GABRA3: variants seen among roughly 807,000 people sequenced by gnomAD.
GABRA3 encodes gamma-aminobutyric acid type A receptor subunit alpha3.
A neutral mutation model predicts 30.1 loss-of-function variants in GABRA3; 10 were observed. The observed-to-expected ratio is 0.33, with a 90% CI of 0.20 to 0.56. The LOEUF (loss-of-function observed/expected upper bound fraction) is 0.56. Among genes scored for constraint, GABRA3 ranks in the 20% least tolerant of loss-of-function variants. GABRA3 has a pLI of 0.89. For synonymous variants in GABRA3, 151 were observed against 146.8 expected (o/e 1.03, Z -0.21); for missense variants, 233 against 392.0 (o/e 0.59, Z 3.42).
chrX:152,227,704 A>G (rs372078188), intron 5 of GABRA3, among the ~76,000 whole-genome samples: 285 of 108,564 alleles, frequency 2.6e-3, no homozygotes, highest in African/African-American at 8.9e-3. Context: ...TAAGGATTCT[A>G]TTTACCTAAT....
intron 3 of GABRA3, among the ~76,000 whole-genome samples, chrX:152,306,351 T>C (rs1328700109): frequency 1.8e-5 from 2 of 112,353 alleles, no homozygotes; most frequent in Non-Finnish European, 3.8e-5. Flanking sequence ...TTACCAGAAA[T>C]GTCTACACAT....
intron 3 of GABRA3, among the ~76,000 whole-genome samples, chrX:152,288,516 A>G (rs1939337711): frequency 8.9e-6 from 1 of 112,431 alleles, no homozygotes; most frequent in Admixed American, 9.4e-5. Flanking sequence ...GCTGCTGCTT[A>G]ATACTATTTC....
chrX:152,362,466 T>C (rs1163495976), intron 2 of GABRA3, among the ~76,000 whole-genome samples: 3 of 111,373 alleles, frequency 2.7e-5, no homozygotes, highest in Non-Finnish European at 5.7e-5. Flanking sequence ...TGGGTCCTAA[T>C]GGGTTTTATA....
chrX:152,337,319 A>G (rs1940248569), intron 3 of GABRA3, among the ~76,000 whole-genome samples: 1 of 111,115 alleles, frequency 9.0e-6, no homozygotes, highest in African/African-American at 3.3e-5. Flanking sequence ...TTACTATCTA[A>G]TTGTATATTT....
chrX:152,417,590 G>A (rs1309509479), intron 1 of GABRA3, among the ~76,000 whole-genome samples: 1 of 88,450 alleles, frequency 1.1e-5, no homozygotes, highest in East Asian at 3.8e-4. Flanking sequence ...GTTTATTGCG[G>A]CATTATTCAC....
chrX:152,439,066 G>A (rs745389794), intron 1 of GABRA3, among the ~76,000 whole-genome samples: 2 of 110,523 alleles, frequency 1.8e-5, no homozygotes, highest in East Asian at 5.7e-4. Flanking sequence ...GGTGGGGGAT[G>A]GGGTAACTCC....
At chrX:152,400,412 G>A (rs1929765412) in intron 1 of GABRA3, among the ~76,000 whole-genome samples, 1 of 111,199 alleles carries the variant, frequency 9.0e-6, no homozygotes, top group Non-Finnish European at 1.9e-5. Context: ...GGAAGGCTGA[G>A]GCGGGAGGAT....
chrX:152,352,172 A>G (rs1227167483), intron 2 of GABRA3, among the ~76,000 whole-genome samples: 1 of 111,281 alleles, frequency 9.0e-6, no homozygotes, highest in Non-Finnish European at 1.9e-5. Flanking sequence ...AGACTCACTC[A>G]ACACAGGGTT....
chrX:152,224,234 T>C (rs1744740863), intron 6 of GABRA3, among the ~76,000 whole-genome samples: 2 of 112,275 alleles, frequency 1.8e-5, no homozygotes, highest in Admixed American at 1.9e-4. Flanking sequence ...GAAAATGGAC[T>C]ATATATTTAC....
intron 8 of GABRA3, among the ~76,000 whole-genome samples, chrX:152,196,435 G>A (rs183422839): frequency 1.7e-3 from 186 of 106,888 alleles, no homozygotes; most frequent in African/African-American, 5.9e-3. Flanking sequence ...AGAAAGAAAG[G>A]AAGGAAGGAA....
At chrX:152,204,262 G>A (rs1280433244) in intron 7 of GABRA3, among the ~76,000 whole-genome samples, 4 of 111,604 alleles carry the variant, frequency 3.6e-5, no homozygotes, top group Non-Finnish European at 7.5e-5. Context: ...TAAAACATAA[G>A]TGGTTAAAAT....
At chrX:152,396,855 A>ATGCT (rs1322515203) in intron 1 of GABRA3, among the ~76,000 whole-genome samples, 2 of 112,063 alleles carry the variant, frequency 1.8e-5, no homozygotes, top group African/African-American at 6.5e-5. Context: ...TATAACTAAC[A>ATGCT]TGCTTGAAAA....
chrX:152,224,536 A>T (rs1483957060), intron 6 of GABRA3, among the ~76,000 whole-genome samples: 1 of 111,925 alleles, frequency 8.9e-6, no homozygotes, highest in African/African-American at 3.2e-5. Flanking sequence ...AGTCTGAAAT[A>T]GCAAAATAAA....
chrX:152,237,236 C>T (rs1569365340), intron 5 of GABRA3, among the ~76,000 whole-genome samples: 1 of 110,887 alleles, frequency 9.0e-6, no homozygotes, highest in Non-Finnish European at 1.9e-5. Context: ...TTCCCAGCAC[C>T]ATTTATTAAA....
intron 3 of GABRA3, among the ~76,000 whole-genome samples, chrX:152,338,327 T>C (rs1235713560): frequency 8.9e-6 from 1 of 112,409 alleles, no homozygotes; most frequent in Non-Finnish European, 1.9e-5. Flanking sequence ...CATTTGTATG[T>C]CTTCTTCTGA....
At chrX:152,178,437 T>A (rs1294833732) in intron 9 of GABRA3, among the ~76,000 whole-genome samples, 1 of 111,649 alleles carries the variant, frequency 9.0e-6, no homozygotes, top group African/African-American at 3.3e-5. Flanking sequence ...GTGGCTACAA[T>A]TGCAGGAATG....
intron 9 of GABRA3, among the ~76,000 whole-genome samples, chrX:152,181,967 T>G (rs1213441284): frequency 9.0e-6 from 1 of 111,037 alleles, no homozygotes; most frequent in Non-Finnish European, 1.9e-5. Flanking sequence ...TGGACATACC[T>G]GTCTTGCTGC....
intron 4 of GABRA3, among the ~76,000 whole-genome samples, chrX:152,261,919 G>A (rs765232207): frequency 8.9e-6 from 1 of 112,699 alleles, no homozygotes; most frequent in African/African-American, 3.2e-5. Context: ...TGCCCCTGCA[G>A]CAAACTTTTG....
intron 2 of GABRA3, among the ~76,000 whole-genome samples, chrX:152,360,448 C>CA (rs1928449101): frequency 9.9e-6 from 1 of 101,519 alleles, no homozygotes; most frequent in Non-Finnish European, 2.0e-5. Context: ...TGTGTTTTAA[C>CA]AAAAAACCAA....
Sources: gnomAD v4.1 joint callset for allele counts (sites outside exome capture counted in the v4.1 genomes callset) on GRCh38, gnomAD v4.1.1 for gene constraint, MANE v1.5 for transcripts, NCBI Gene and HGNC (gene_info 2026-07-23, HGNC 2026-07-21) for gene names.